INSR: variants seen among roughly 807,000 people sequenced by gnomAD.
INSR encodes the protein insulin receptor, also known as IR.
In INSR, 67 loss-of-function variants were observed where a neutral mutation model predicts 142.6. The observed-to-expected ratio is 0.47, with a 90% CI of 0.39 to 0.58. The LOEUF is 0.58. Among genes scored for constraint, INSR ranks in the 20% least tolerant of loss-of-function variants. The probability of loss-of-function intolerance (pLI) is 0.00; values close to 1 mark genes in which losing one functional copy is unlikely to be tolerated. For missense variants in INSR, 1,248 were observed against 1,833.2 expected (o/e 0.68, Z 5.83); for synonymous variants, 756 against 743.1 (o/e 1.02, Z -0.28).
chr19:7,160,196 C>G (rs2144921125), intron 9 of INSR, among the ~76,000 whole-genome samples: 1 of 151,724 alleles, frequency 6.6e-6, no homozygotes, highest in Non-Finnish European at 1.5e-5. Flanking sequence ...CTTTTGTTAC[C>G]CAGGCTGGAG....
chr19:7,239,608 A>G (rs894763227), intron 2 of INSR, among the ~76,000 whole-genome samples: 1 of 152,114 alleles, frequency 6.6e-6, no homozygotes, highest in Admixed American at 6.6e-5. Flanking sequence ...AATCCTAGAA[A>G]ACCATTCACA....
chr19:7,174,067 G>A (rs1441740513), intron 4 of INSR, among the ~76,000 whole-genome samples: 1 of 151,618 alleles, frequency 6.6e-6, no homozygotes, highest in South Asian at 2.1e-4. Context: ...AAGATTGCTC[G>A]AGCCCAGGAG....
chr19:7,194,905 C>G (rs1974704272), intron 2 of INSR, among the ~76,000 whole-genome samples: 1 of 151,816 alleles, frequency 6.6e-6, no homozygotes, highest in South Asian at 2.1e-4. Context: ...CCCAGTGTGC[C>G]AAATCATAGG....
chr19:7,287,884 G>A (rs533775884), intron 1 of INSR, among the ~76,000 whole-genome samples: 7 of 152,264 alleles, frequency 4.6e-5, no homozygotes, highest in Admixed American at 4.6e-4. Flanking sequence ...TTTTGGCCAT[G>A]GAATTCCTGT....
rs533489612 is a variant in INSR, at chr19:7,225,708, T to G, written c.653-41071A>C. On this transcript the variant is annotated intron_variant, in intron 2 of 21. Transcript: ENST00000302850. This position sits in a 1 kb window ranked among gnomAD's most constrained non-coding sequence, Gnocchi z 4.7. ...GCTCTTGGTTTCCATTTCCCCCCCC[T>G]CAAAAAAAGAGCAGAGAATAATTGC... Among the ~76,000 whole-genome samples, 6 of 64,852 alleles carry G rather than the reference T, an allele frequency of 9.3e-5. No individual in the cohort carries two copies. Among genetic ancestry groups the G allele is most frequent in the Non-Finnish European group, 1.7e-4 (5 of 29,150 alleles). The allele number at this position is 64,852 out of a possible 152,430, so 42.5% of individuals were successfully genotyped here.
intron 9 of INSR, 117 bp downstream of exon 9, chr19:7,162,915 T>TGTGC: frequency 1.2e-6 from 1 of 850,310 alleles, no homozygotes; most frequent in Non-Finnish European, 2.0e-6. Context: ...TGTGTGTGTG[T>TGTGC]GTGCCTTCCG....
In INSR at chr19:7,271,660, A is replaced by G. The variant is rs2145219364; in HGVS notation, c.101-3764T>C. ...ACTCCTAGGTAACTACCTAAGAGAAATGATACTATACGTCCACACAAAGAC... is the reference window on the plus strand; with the variant it reads ...ACTCCTAGGTAACTACCTAAGAGAAGTGATACTATACGTCCACACAAAGAC... On this transcript the variant is annotated intron_variant, in intron 1 of 21. Transcript: ENST00000302850. 1.3e-5 allele frequency among the ~76,000 whole-genome samples: 2 copies of G among 152,316 alleles called. 1 individual carries two copies. Among genetic ancestry groups the G allele is most frequent in the East Asian group, 3.9e-4 (2 of 5,184 alleles).
Position 7,125,274 on chromosome 19 carries a change from T to G in INSR, c.3258+9A>C. The G allele has an allele frequency of 6.2e-7, 1 of 1,613,926 alleles. No individual in the cohort carries two copies. The highest frequency in any genetic ancestry group is 1.1e-5 in the South Asian group (1 of 91,072). Reference sequence around the variant, plus strand: ...AAGCCAGCCCATGTCCCACCCCCACTGGACTCACCACGTGATGGCAGGTGA... The same window carrying G: ...AAGCCAGCCCATGTCCCACCCCCACGGGACTCACCACGTGATGGCAGGTGA... On this transcript the variant is annotated intron_variant, in intron 17 of 21. Coordinates refer to ENST00000302850, the MANE Select transcript of INSR (RefSeq NM_000208.4). The surrounding 1 kb of genome is among the most constrained non-coding windows in gnomAD (Gnocchi z 4.9).
At chr19:7,188,796 C>T (rs544749943) in intron 2 of INSR, among the ~76,000 whole-genome samples, 49 of 142,694 alleles carry the variant, frequency 3.4e-4, no homozygotes, top group African/African-American at 1.1e-3. Flanking sequence ...ATCGCTTGAA[C>T]GCAAGAGGAG....
In INSR at chr19:7,184,334, T is replaced by C. The variant is rs1974360251; in HGVS notation, c.956A>G (p.Tyr319Cys). Residue 319 changes from tyrosine (Y) to cysteine (C), a missense_variant, in exon 3 of 22, where the codon TAC becomes TGC. Coordinates refer to ENST00000302850, the MANE Select transcript of INSR (RefSeq NM_000208.4). ...NKCIPECPSG[Y>C]TMNSSNLLCT... Reference sequence around the variant, plus strand: ...AACTCACTTGCTGGAATTCATCGTGTACCCGGAGGGACACTCAGGGATGCA... The same window carrying C: ...AACTCACTTGCTGGAATTCATCGTGCACCCGGAGGGACACTCAGGGATGCA... 1 of 1,613,756 alleles carries C rather than the reference T, an allele frequency of 6.2e-7. No individual in the cohort carries two copies. The highest frequency in any genetic ancestry group is 1.7e-5 in the Admixed American group (1 of 59,974).
intron 1 of INSR, among the ~76,000 whole-genome samples, chr19:7,291,943 C>T (rs1450332800): frequency 2.0e-5 from 3 of 152,050 alleles, no homozygotes; most frequent in Non-Finnish European, 4.4e-5. Context: ...CAGGCGCCCG[C>T]CACCACGCCC....
At chr19:7,275,915 G>T (rs903185035) in intron 1 of INSR, among the ~76,000 whole-genome samples, 1 of 152,086 alleles carries the variant, frequency 6.6e-6, no homozygotes, top group African/African-American at 2.4e-5. Flanking sequence ...AGCTGTATTG[G>T]ACCGTGCTGG....
chr19:7,197,570 GTGTT>G (rs1974797585), intron 2 of INSR, among the ~76,000 whole-genome samples: 1 of 70,940 alleles, frequency 1.4e-5, no homozygotes, highest in Non-Finnish European at 2.9e-5. Context: ...GGGAGTGTGT[GTGTT>G]TGGGTGTGTG....
Position 7,174,711 on chromosome 19 carries a change from A to T in INSR, c.995T>A (p.Leu332Gln). ...NSSNLLCTPC[L>Q]GPCPKVCHLL... ...GTGGCACACCTTGGGACAGGGACCC[A>T]GGCATGGGGTGCACAGCAAGCTAAG... is the stretch of plus-strand genomic sequence containing the variant. Residue 332 changes from leucine to glutamine, a missense_variant, in exon 4 of 22, where the codon CTG (leucine) becomes CAG (glutamine). By Grantham distance (113) the Leu-to-Gln change is moderately radical (BLOSUM62 -2). Coordinates refer to ENST00000302850, the MANE Select transcript of INSR (RefSeq NM_000208.4). 1 of 1,607,226 alleles carries T rather than the reference A, an allele frequency of 6.2e-7. No individual in the cohort carries two copies. The highest frequency in any genetic ancestry group is 8.5e-7 in the Non-Finnish European group (1 of 1,176,178).
At chr19:7,200,454 C>A (rs1468193265) in intron 2 of INSR, among the ~76,000 whole-genome samples, 2 of 152,238 alleles carry the variant, frequency 1.3e-5, no homozygotes, top group African/African-American at 4.8e-5. Flanking sequence ...ACTTTGGAGG[C>A]TGAGGTGGGA....
chr19:7,117,414 C>T lies in INSR; in HGVS notation c.3795-4G>A, dbSNP rs1972361942. 9 of 1,608,598 alleles carry T rather than the reference C, an allele frequency of 5.6e-6. No individual in the cohort carries two copies. Among genetic ancestry groups the T allele is most frequent in the African/African-American group, 4.0e-5 (3 of 74,822 alleles). On this transcript the variant is annotated splice_polypyrimidine_tract_variant and splice_region_variant and intron_variant, in intron 21 of 21. Coordinates refer to ENST00000302850, the MANE Select transcript of INSR (RefSeq NM_000208.4). ...GCACATGCGCATGAGGTCAGTGCTG[C>T]GGGGCAGAAGGACACGTCCTGGGTG...
rs1033175577 is a variant in INSR, at chr19:7,112,392, G to A, written c.*4664C>T. On this transcript the variant is annotated 3_prime_UTR_variant, in exon 22 of 22. Transcript: ENST00000302850. ...TACTTGGCTCTTGTAGGAAAACATTGAAAAAATAATAATTGAGCTGTTGGG... is the reference window on the plus strand; with the variant it reads ...TACTTGGCTCTTGTAGGAAAACATTAAAAAAATAATAATTGAGCTGTTGGG... The A allele has an allele frequency of 6.6e-6, 1 of 152,124 alleles. No individual in the cohort carries two copies. Among genetic ancestry groups the A allele is most frequent in the Non-Finnish European group, 1.5e-5 (1 of 68,004 alleles). 9.4% of individuals were successfully genotyped at this position (152,124 alleles called of 1,614,324 possible).
intron 3 of INSR, among the ~76,000 whole-genome samples, chr19:7,177,530 G>T (rs1245756848): frequency 6.6e-6 from 1 of 151,116 alleles, no homozygotes; most frequent in African/African-American, 2.4e-5. Flanking sequence ...TTTTGTTTTT[G>T]TTTTTGTTTT....
At chr19:7,127,202 C>T (rs1972667038) in intron 15 of INSR, among the ~76,000 whole-genome samples, 1 of 152,156 alleles carries the variant, frequency 6.6e-6, no homozygotes, top group African/African-American at 2.4e-5. Flanking sequence ...AGGGCTCTGG[C>T]TGGCTTTTTA....
Sources: allele counts gnomAD v4.1 joint callset (sites outside exome capture counted in the v4.1 genomes callset), GRCh38; gene constraint gnomAD v4.1.1; non-coding constraint Gnocchi (gnomAD v3.1); transcripts MANE v1.5; gene names NCBI Gene and HGNC (gene_info 2026-07-23, HGNC 2026-07-21).